The following DHX37 variants were observed in gnomAD, a reference collection of about 807,000 sequenced individuals.
DHX37 encodes the protein DEAH-box helicase 37.
DHX37 carries 52 observed loss-of-function variants against 134.3 expected under a neutral mutation model. That is an observed-to-expected ratio of 0.39 (90% CI 0.31 to 0.49). The LOEUF is 0.49. DHX37 is among the 20% of genes least tolerant of loss of function. The pLI, the probability that DHX37 is intolerant of heterozygous loss-of-function variation, is 0.93. For synonymous variants in DHX37, 634 were observed against 670.7 expected (o/e 0.95, Z 0.85); for missense variants, 1,344 against 1,580.8 (o/e 0.85, Z 2.54).
In DHX37 at chr12:124,980,811, G is replaced by A; in HGVS notation, c.417C>T (p.Gly139=). 6.4e-7 allele frequency: 1 copy of A among 1,556,588 alleles called. No individual in the cohort carries two copies. Among genetic ancestry groups the A allele is most frequent in the Non-Finnish European group, 8.7e-7 (1 of 1,153,454 alleles). The change falls in exon 4 of 27, where the codon GGC becomes GGT. Residue 139 remains glycine (G), a synonymous_variant. Coordinates refer to ENST00000308736, the MANE Select transcript of DHX37 (RefSeq NM_032656.4). The surrounding 1 kb of genome is among the most constrained non-coding windows in gnomAD (Gnocchi z 5.3). ...CGCTGAGGCTACTGATCTTCTCCTG[G>A]CCCGGGGCTACCACCTCGTCAGCCT... is the stretch of plus-strand genomic sequence containing the variant. ...KEKADEVVAP[G]QEKISSLSGA...
At chr12:124,959,324 C>T (rs1435545911) in intron 16 of DHX37, among the ~76,000 whole-genome samples, 3 of 152,252 alleles carry the variant, frequency 2.0e-5, no homozygotes, top group African/African-American at 7.2e-5. Context: ...CCACCTGCCT[C>T]GGCCTTCCAA....
chr12:124,950,248 AAGGTGGG>A lies in DHX37; in HGVS notation c.3122-12_3122-6del. 6.2e-7 allele frequency: 1 copy of A among 1,613,434 alleles called. No individual in the cohort carries two copies. The highest frequency in any genetic ancestry group is 1.3e-5 in the African/African-American group (1 of 75,060). ...GGAGCGGCCAGCCCACGCGATCTAGAAGGTGGGAGCCAGTGAGACAGGGACCCTCCTG... is the reference window on the plus strand; with the variant it reads ...GGAGCGGCCAGCCCACGCGATCTAGAAGCCAGTGAGACAGGGACCCTCCTG... On this transcript the variant is annotated splice_polypyrimidine_tract_variant and splice_region_variant and intron_variant, in intron 23 of 26. Coordinates refer to ENST00000308736, the MANE Select transcript of DHX37 (RefSeq NM_032656.4).
intron 16 of DHX37, among the ~76,000 whole-genome samples, chr12:124,959,149 T>C (rs1220705140): frequency 1.4e-5 from 2 of 144,700 alleles, no homozygotes; most frequent in African/African-American, 2.6e-5. Flanking sequence ...TCTCGGCCCA[T>C]TGCAACCTCC....
At chr12:124,964,800 C>A in intron 14 of DHX37, 130 bp downstream of exon 14, 2 of 1,434,314 alleles carry the variant, frequency 1.4e-6, no homozygotes. Context: ...CAAAACTACC[C>A]CAATATTCCT....
At chr12:124,981,756 C>T (rs531254286) in intron 3 of DHX37, among the ~76,000 whole-genome samples, 6 of 152,014 alleles carry the variant, frequency 3.9e-5, no homozygotes, top group South Asian at 2.1e-4. Context: ...TCTAAGCCAC[C>T]GCTGTTTGCA....
chr12:124,953,562 C>T (rs895910532), intron 20 of DHX37: 3 of 360,642 alleles, frequency 8.3e-6, no homozygotes, highest in Admixed American at 7.8e-5. Flanking sequence ...GTCTGGGGGA[C>T]ATGTGGGAGG....
rs980498864 is a variant in DHX37, at chr12:124,949,114, C to A, written c.3290+872G>T. Among the ~76,000 whole-genome samples, 2 of 152,206 alleles carry A rather than the reference C, an allele frequency of 1.3e-5. No individual in the cohort carries two copies. Among genetic ancestry groups the A allele is most frequent in the African/African-American group, 4.8e-5 (2 of 41,452 alleles). On this transcript the variant is annotated intron_variant, in intron 25 of 26. Coordinates refer to ENST00000308736, the MANE Select transcript of DHX37 (RefSeq NM_032656.4). This position sits in a 1 kb window ranked among gnomAD's most constrained non-coding sequence, Gnocchi z 4.0. Reference sequence around the variant, plus strand: ...AGGCCTCACTCATGTCCTGCTCTGTCCCTCTGGGGCCGAGCAACGCTGCTG... The same window carrying A: ...AGGCCTCACTCATGTCCTGCTCTGTACCTCTGGGGCCGAGCAACGCTGCTG...
intron 2 of DHX37, among the ~76,000 whole-genome samples, chr12:124,983,055 G>A (rs1310158224): frequency 6.6e-6 from 1 of 152,122 alleles, no homozygotes; most frequent in Non-Finnish European, 1.5e-5. Flanking sequence ...CTTTTAGTTG[G>A]GTGAGGGTTT....
At chr12:124,981,180 G>A (rs1954751990) in intron 3 of DHX37, among the ~76,000 whole-genome samples, 1 of 152,204 alleles carries the variant, frequency 6.6e-6, no homozygotes, top group African/African-American at 2.4e-5. Context: ...ACACTGGGAA[G>A]CTCCTTAAGA....
At chr12:124,954,238 G>A in intron 18 of DHX37, 27 bp from the exon 19 acceptor site, 7 of 1,540,652 alleles carry the variant, frequency 4.5e-6, no homozygotes. Context: ...ATACTGTCTG[G>A]GCTGGGGCCT....
chr12:124,960,345 T>G lies in DHX37; in HGVS notation c.2124A>C (p.Leu708Phe), dbSNP rs755816731. The G allele has an allele frequency of 6.2e-7, 1 of 1,613,958 alleles. No individual in the cohort carries two copies. Among genetic ancestry groups the G allele is most frequent in the Non-Finnish European group, 8.5e-7 (1 of 1,179,962 alleles). ...PEITRRPVED[L>F]ILQMKALNVE... The stretch of plus-strand genomic sequence containing the variant: ...CGTTGAGCGCCTTCATTTGAAGGAT[T>G]AAGTCTTCAACAGGCCTCCGGGTGA... Residue 708 changes from leucine (L) to phenylalanine (F), a missense_variant, in exon 16 of 27, where the codon TTA becomes TTC. By Grantham distance (22) the Leu-to-Phe change is conservative. This residue lies in a region of DHX37 where 558 missense variants were observed against 650.0 expected (regional missense o/e 0.86). Coordinates refer to ENST00000308736, the MANE Select transcript of DHX37 (RefSeq NM_032656.4).
At chr12:124,950,296 G>A in intron 23 of DHX37, 53 bp from the exon 24 acceptor site, 1 of 1,609,308 alleles carries the variant, frequency 6.2e-7, no homozygotes. Flanking sequence ...GCCCTCCCGA[G>A]TCCCATCCCT....
At chr12:124,975,367 G>T in intron 6 of DHX37, 52 bp downstream of exon 6, 1 of 1,586,722 alleles carries the variant, frequency 6.3e-7, no homozygotes, top group Non-Finnish European at 8.6e-7. Flanking sequence ...CCACATCTGG[G>T]CAAGGCCACA....
Position 124,957,066 on chromosome 12 carries a change from C to T in DHX37, c.2227G>A (p.Ala743Thr), listed in dbSNP as rs764393311. Residue 743 changes from alanine to threonine, a missense_variant, in exon 17 of 27, where the codon GCA becomes ACA. Around this residue, in one of 7 missense-constraint regions of DHX37, gnomAD observed 558 missense variants for 650.0 expected, o/e 0.86. Transcript: ENST00000308736. ...TGGGGCGGTTGCAGGGCACCCAGTG[C>T]GATCAACAGCTCCTCGGCGGCAAGA... ...ALLAAEELLI[A>T]LGALQPPQKA... 17 of 1,502,568 alleles carry T rather than the reference C, an allele frequency of 1.1e-5. No individual in the cohort carries two copies. Among genetic ancestry groups the T allele is most frequent in the East Asian group, 2.5e-5 (1 of 40,396 alleles). 93.1% of individuals were successfully genotyped at this position (1,502,568 alleles called of 1,614,324 possible).
intron 2 of DHX37, 94 bp downstream of exon 2, chr12:124,986,002 G>C (rs1954864081): frequency 6.7e-7 from 1 of 1,494,248 alleles, no homozygotes; most frequent in African/African-American, 1.4e-5. Flanking sequence ...AGTTCTATTA[G>C]TTGCACCACA....
rs1342245939 is a variant in DHX37 at position 124,980,293 on chromosome 12, C to A, written c.738+197G>T. 6.6e-6 allele frequency among the ~76,000 whole-genome samples: 1 copy of A among 152,244 alleles called. No homozygotes were observed. The highest frequency in any genetic ancestry group is 2.4e-5 in the African/African-American group (1 of 41,472). On this transcript the variant is annotated intron_variant, in intron 4 of 26. Transcript: ENST00000308736. This position sits in a 1 kb window ranked among gnomAD's most constrained non-coding sequence, Gnocchi z 5.3. Reference sequence around the variant, plus strand: ...AGCCTGCCAGGCGTGCCGCCAGACACCCGCCCTGCACTGTGATCCTCCTCG... The same window carrying A: ...AGCCTGCCAGGCGTGCCGCCAGACAACCGCCCTGCACTGTGATCCTCCTCG...
chr12:124,966,810 T>G lies in DHX37; in HGVS notation c.1573A>C (p.Lys525Gln). The G allele has an allele frequency of 6.2e-7, 1 of 1,614,228 alleles. No individual in the cohort carries two copies. Among genetic ancestry groups the G allele is most frequent in the South Asian group, 1.1e-5 (1 of 91,088 alleles). ...RKFKKSRARA[K>Q]KARAEVLPQI... ...CCACGTACCTCAGCCCGCGCCTTCTTGGCCCTGGCCCTTGACTTCTTAAAC... is the reference window on the plus strand; with the variant it reads ...CCACGTACCTCAGCCCGCGCCTTCTGGGCCCTGGCCCTTGACTTCTTAAAC... The change falls in exon 12 of 27, where the codon AAG becomes CAG. Residue 525 changes from lysine to glutamine, a missense_variant. This residue lies in a region of DHX37 where 289 missense variants were observed against 323.8 expected (regional missense o/e 0.89). Transcript: ENST00000308736.
At chr12:124,967,068 G>A (rs1000538184) in intron 11 of DHX37, 55 bp downstream of exon 11, 60 of 1,591,856 alleles carry the variant, frequency 3.8e-5, no homozygotes, top group Admixed American at 3.2e-4. Flanking sequence ...GCCAGGGAGC[G>A]CGAGGCCAAG....
intron 16 of DHX37, among the ~76,000 whole-genome samples, chr12:124,957,925 G>T (rs1368996764): frequency 6.6e-6 from 1 of 152,248 alleles, no homozygotes; most frequent in East Asian, 1.9e-4. Context: ...GCGAATAGGA[G>T]TGAAGCAGCG....
Sources: allele counts gnomAD v4.1 joint callset (sites outside exome capture counted in the v4.1 genomes callset), GRCh38; gene constraint gnomAD v4.1.1; regional missense constraint gnomAD v4.1.1; non-coding constraint Gnocchi (gnomAD v3.1); transcripts MANE v1.5; gene names NCBI Gene and HGNC (gene_info 2026-07-23, HGNC 2026-07-21).